Variants in PSD2 observed in about 807,000 individuals in gnomAD.
The protein encoded by PSD2 is pleckstrin and Sec7 domain containing 2.
PSD2 carries 38 observed loss-of-function variants against 69.8 expected under a neutral mutation model. The ratio of observed to expected loss-of-function variants is 0.54; its 90% CI spans 0.42 to 0.71. The LOEUF (loss-of-function observed/expected upper bound fraction) is 0.71. PSD2 is among the 30% of genes least tolerant of loss of function. The pLI, the probability that PSD2 is intolerant of heterozygous loss-of-function variation, is 0.00. For synonymous variants in PSD2, 412 were observed against 423.0 expected, an observed-to-expected ratio of 0.97 and a Z score of 0.32; for missense variants, 943 against 1,014.5, an observed-to-expected ratio of 0.93 and a Z score of 0.96.
the PSD2 span, among the ~76,000 whole-genome samples, chr5:139,747,463 T>C: frequency 1.3e-5 from 2 of 152,046 alleles, no homozygotes; most frequent in Non-Finnish European, 2.9e-5. The surrounding 1 kb of genome is among the most constrained non-coding windows in gnomAD (Gnocchi z 6.7). Flanking sequence ...GGGCGGGGGC[T>C]GGGGGCTGTC....
chr5:139,782,318 G>GA, the PSD2 span, among the ~76,000 whole-genome samples: 1 of 151,896 alleles, frequency 6.6e-6, no homozygotes, highest in African/African-American at 2.4e-5. Flanking sequence ...CAAGTAGCTG[G>GA]AATTACAGGT....
the PSD2 span, among the ~76,000 whole-genome samples, chr5:139,747,959 CTT>C: frequency 6.6e-6 from 1 of 152,270 alleles, no homozygotes; most frequent in Non-Finnish European, 1.5e-5. This position sits in a 1 kb window ranked among gnomAD's most constrained non-coding sequence, Gnocchi z 6.7. Context: ...GTTCCCATCA[CTT>C]TGAGCAGCCA....
chr5:139,761,669 AC>A, the PSD2 span, among the ~76,000 whole-genome samples: 1 of 152,000 alleles, frequency 6.6e-6, no homozygotes, highest in South Asian at 2.1e-4. Context: ...GCTTTCCATG[AC>A]CCTTGCTTGG....
chr5:139,779,625 T>C, the PSD2 span, among the ~76,000 whole-genome samples: 2 of 152,230 alleles, frequency 1.3e-5, no homozygotes, highest in African/African-American at 4.8e-5. Flanking sequence ...AACAAATGCA[T>C]ATATTTGTAT....
chr5:139,768,680 G>A, the PSD2 span, among the ~76,000 whole-genome samples: 3 of 150,334 alleles, frequency 2.0e-5, no homozygotes, highest in Non-Finnish European at 4.4e-5. Flanking sequence ...CCGAGATCAA[G>A]CCATTGCACT....
chr5:139,830,198 C>A (rs1434670944), intron 7 of PSD2, among the ~76,000 whole-genome samples: 1 of 151,732 alleles, frequency 6.6e-6, no homozygotes, highest in Non-Finnish European at 1.5e-5. Flanking sequence ...TCAGGTCCTT[C>A]ATTCATTTTA....
In PSD2 at chr5:139,838,661, G is replaced by A; in HGVS notation, c.1857G>A (p.Arg619=). ...SKEEMLSWIL[R]INLVAAIFSA... ...AAGAAATGCTGTCCTGGATCCTCAG[G>A]ATCAACCTGGTGGCAGCCATCTTCT... The change falls in exon 13 of 15, where the codon AGG becomes AGA. Residue 619 remains arginine, a synonymous_variant. Coordinates refer to ENST00000274710, the MANE Select transcript of PSD2 (RefSeq NM_032289.4). The A allele has an allele frequency of 6.2e-7, 1 of 1,613,928 alleles. No homozygotes were observed. Among genetic ancestry groups the A allele is most frequent in the Non-Finnish European group, 8.5e-7 (1 of 1,179,890 alleles).
intron 1 of PSD2, among the ~76,000 whole-genome samples, chr5:139,799,386 A>C (rs1759610886): frequency 6.6e-6 from 1 of 152,190 alleles, no homozygotes; most frequent in South Asian, 2.1e-4. Context: ...CAACTCAGAC[A>C]GGTGCTGTTG....
rs756017826 is a variant in PSD2 at position 139,842,389 on chromosome 5, G to A, written c.2231G>A (p.Arg744Gln). The change falls in exon 15 of 15, where the codon CGG (arginine) becomes CAG (glutamine). Residue 744 changes from arginine (R) to glutamine (Q), a missense_variant. Physicochemically the swap from Arg to Gln is conservative, Grantham distance 43. Coordinates refer to ENST00000274710, the MANE Select transcript of PSD2 (RefSeq NM_032289.4). ...ATLEGDDPSLRKTHSSPALSQ... is the reference protein window; with the variant it reads ...ATLEGDDPSLQKTHSSPALSQ... ...CTGGAAGGGGATGACCCTTCTCTCC[G>A]GAAGACACATTCAAGCCCTGCCCTC... is the stretch of plus-strand genomic sequence containing the variant. 1.6e-5 allele frequency: 26 copies of A among 1,614,036 alleles called. No homozygotes were observed. The highest frequency in any genetic ancestry group is 3.3e-5 in the South Asian group (3 of 91,084).
At chr5:139,748,566 C>G in the PSD2 span, among the ~76,000 whole-genome samples, 1 of 152,272 alleles carries the variant, frequency 6.6e-6, no homozygotes, top group African/African-American at 2.4e-5. Context: ...AACTCCCCTC[C>G]CCCGGGCGAA....
In PSD2 at chr5:139,814,615, G is replaced by A. The variant is rs1760072255; in HGVS notation, c.1016+251G>A. On this transcript the variant is annotated intron_variant, in intron 4 of 14. Transcript: ENST00000274710. The surrounding 1 kb of genome is among the most constrained non-coding windows in gnomAD (Gnocchi z 4.4). ...TGGCGGGCAGCCCCTCAGGGCTGGG[G>A]GTGCGGGATGTGGGATGTGGTTATG... 6.6e-6 allele frequency among the ~76,000 whole-genome samples: 1 copy of A among 152,054 alleles called. No homozygotes were observed. Among genetic ancestry groups the A allele is most frequent in the Non-Finnish European group, 1.5e-5 (1 of 68,008 alleles).
chr5:139,818,106 T>A (rs1760168654), intron 5 of PSD2, among the ~76,000 whole-genome samples: 1 of 152,100 alleles, frequency 6.6e-6, no homozygotes, highest in Non-Finnish European at 1.5e-5. Context: ...CTGTAGTATC[T>A]AGCAGGCTCT....
chr5:139,787,034 G>C, the PSD2 span, among the ~76,000 whole-genome samples: 50 of 152,182 alleles, frequency 3.3e-4, no homozygotes, highest in Admixed American at 2.0e-4. Context: ...TCCGAACCGG[G>C]GAGTGAGGAG....
intron 5 of PSD2, among the ~76,000 whole-genome samples, chr5:139,819,880 G>A (rs1760213913): frequency 6.6e-6 from 1 of 152,200 alleles, no homozygotes; most frequent in South Asian, 2.1e-4. Flanking sequence ...TGCCTTGTAT[G>A]CCAGCCCAAT....
At chr5:139,810,611 G>A (rs1381624144) in intron 2 of PSD2, among the ~76,000 whole-genome samples, 5 of 152,162 alleles carry the variant, frequency 3.3e-5, no homozygotes, top group African/African-American at 1.2e-4. Context: ...GGGGGTGTTG[G>A]TGCCCCTGGC....
the PSD2 span, among the ~76,000 whole-genome samples, chr5:139,773,166 T>C: frequency 6.6e-6 from 1 of 152,186 alleles, no homozygotes; most frequent in Non-Finnish European, 1.5e-5. Context: ...CTCGCAAAAC[T>C]GAAACTCTGA....
intron 7 of PSD2, among the ~76,000 whole-genome samples, chr5:139,830,587 T>C (rs1415559513): frequency 7.8e-6 from 1 of 128,904 alleles, no homozygotes; most frequent in Admixed American, 7.4e-5. Flanking sequence ...TCTTTCTTTC[T>C]TTCTTTTTCT....
In PSD2 at chr5:139,809,726, T is replaced by C; in HGVS notation, c.286T>C (p.Ser96Pro). ...DLNILEDSAE[S>P]RPWRAGVLAE... ...GAACATTCTGGAAGATTCAGCGGAG[T>C]CCAGGCCCTGGAGGGCTGGCGTGCT... Residue 96 changes from serine (S) to proline (P), a missense_variant, in exon 2 of 15, where the codon TCC becomes CCC. By Grantham distance (74) the Ser-to-Pro change is moderately conservative. Transcript: ENST00000274710. 6.2e-7 allele frequency: 1 copy of C among 1,613,986 alleles called. No homozygotes were observed. Among genetic ancestry groups the C allele is most frequent in the Non-Finnish European group, 8.5e-7 (1 of 1,179,984 alleles).
At chr5:139,800,323 A>C (rs1759641072) in intron 1 of PSD2, among the ~76,000 whole-genome samples, 1 of 152,256 alleles carries the variant, frequency 6.6e-6, no homozygotes, top group Admixed American at 6.5e-5. Context: ...GTCCAAGCCC[A>C]TGAACTCTGA....
Sources: allele counts gnomAD v4.1 joint callset (sites outside exome capture counted in the v4.1 genomes callset), GRCh38; gene constraint gnomAD v4.1.1; non-coding constraint Gnocchi (gnomAD v3.1); transcripts MANE v1.5; gene names NCBI Gene and HGNC (gene_info 2026-07-23, HGNC 2026-07-21).